The following LOXHD1 variants were observed in gnomAD, a reference collection of about 807,000 sequenced individuals.
LOXHD1 encodes lipoxygenase homology PLAT domains 1, also known as lipoxygenase homology domain-containing protein 1.
A neutral mutation model predicts 248.2 loss-of-function variants in LOXHD1; 205 were observed. The observed-to-expected ratio is 0.83, with a 90% CI of 0.74 to 0.93. The LOEUF (loss-of-function observed/expected upper bound fraction) is 0.93. Ranked by LOEUF, LOXHD1 falls within the 40% of genes least tolerant of loss-of-function variation. LOXHD1 has a pLI of 0.00. For synonymous variants in LOXHD1, 1,113 were observed against 1,162.8 expected (o/e 0.96, Z 0.87); for missense variants, 2,930 against 2,971.6 (o/e 0.99, Z 0.33).
chr18:46,575,311 C>T (rs893772731), intron 14 of LOXHD1, among the ~76,000 whole-genome samples: 4 of 152,178 alleles, frequency 2.6e-5, no homozygotes, highest in East Asian at 3.8e-4. Flanking sequence ...CAATAAGCCC[C>T]GTCTCACCAC....
At chr18:46,568,569 AG>A (rs2037688463) in intron 16 of LOXHD1, among the ~76,000 whole-genome samples, 1 of 152,200 alleles carries the variant, frequency 6.6e-6, no homozygotes, top group Non-Finnish European at 1.5e-5. Context: ...ACCTGAGGGT[AG>A]GGCTTCTGTC....
intron 4 of LOXHD1, among the ~76,000 whole-genome samples, chr18:46,630,188 G>T (rs1334120272): frequency 6.6e-6 from 1 of 152,204 alleles, no homozygotes. Flanking sequence ...GAGCTGTTGT[G>T]CTGGGTTCTG....
rs754761948 is a variant in LOXHD1, at chr18:46,600,314, T to A, written c.1134+903A>T. 1.9e-4 allele frequency among the ~76,000 whole-genome samples: 29 copies of A among 152,166 alleles called. 1 individual carries two copies. The highest frequency in any genetic ancestry group is 3.5e-4 in the Non-Finnish European group (24 of 68,020). On this transcript the variant is annotated intron_variant, in intron 8 of 40. Transcript: ENST00000642948. Reference sequence around the variant, plus strand: ...ATAATGTTGAGTGAAAATTGACAGTTATGGCCAGGAGCGATGGCTCACTCC... The same window carrying A: ...ATAATGTTGAGTGAAAATTGACAGTAATGGCCAGGAGCGATGGCTCACTCC...
chr18:46,507,254 G>C (rs926924325), intron 36 of LOXHD1, among the ~76,000 whole-genome samples: 1 of 152,336 alleles, frequency 6.6e-6, no homozygotes, highest in East Asian at 1.9e-4. Context: ...AGGAAGATGG[G>C]AAGGCTCTGC....
chr18:46,577,304 T>C (rs947702891), intron 14 of LOXHD1, among the ~76,000 whole-genome samples: 9 of 152,112 alleles, frequency 5.9e-5, no homozygotes, highest in Admixed American at 4.6e-4. Flanking sequence ...GAAAAGAAGT[T>C]AACAGGGAAG....
rs1398790803 is a variant in LOXHD1, at chr18:46,656,927, T to G, written c.107A>C (p.Glu36Ala). ...YASEDDEGEL[E>A]HEYYKARVYE... ...ACCTCTGGCCTTGTAGTACTCGTGT[T>G]CCAGCTCCCCCTCGTCGTCCTCCGA... Residue 36 changes from glutamate to alanine, a missense_variant, in exon 1 of 41, where the codon GAA (glutamate) becomes GCA (alanine). Coordinates refer to ENST00000642948, the MANE Select transcript of LOXHD1 (RefSeq NM_001384474.1). 1 of 1,551,478 alleles carries G rather than the reference T, an allele frequency of 6.4e-7. No individual in the cohort carries two copies.
In LOXHD1 at chr18:46,544,346, T is replaced by G. The variant is rs527360981; in HGVS notation, c.3619+971A>C. ...GAGGACTTAATGAGTTGATGACTGT[T>G]GGATGCTCAAGAATTTGTCTAACAC... On this transcript the variant is annotated intron_variant, in intron 23 of 40. Coordinates refer to ENST00000642948, the MANE Select transcript of LOXHD1 (RefSeq NM_001384474.1). Among the ~76,000 whole-genome samples, 5 of 152,344 alleles carry G rather than the reference T, an allele frequency of 3.3e-5. No homozygotes were observed. In the South Asian group the frequency reaches 1.0e-3, roughly 32 times the overall value.
At chr18:46,563,507 G>A (rs576321638) in intron 17 of LOXHD1, among the ~76,000 whole-genome samples, 15 of 152,248 alleles carry the variant, frequency 9.9e-5, no homozygotes, top group African/African-American at 3.6e-4. Context: ...GGAAGGAGGA[G>A]GAGTCACATA....
chr18:46,477,750 T>G lies in LOXHD1; in HGVS notation c.6544A>C (p.Asn2182His). 2 of 1,551,936 alleles carry G rather than the reference T, an allele frequency of 1.3e-6. No individual in the cohort carries two copies. Among genetic ancestry groups the G allele is most frequent in the Non-Finnish European group, 1.7e-6 (2 of 1,147,046 alleles). ...AGCTCCCGCTTGCCTGTGTCTCCGT[T>G]GGCCCCAAAGATGGTCACGAAGACG... ...ANVFVTIFGA[N>H]GDTGKRELKQ... Residue 2182 changes from asparagine (N) to histidine (H), a missense_variant, in exon 41 of 41, where the codon AAC becomes CAC. By Grantham distance (68) the Asn-to-His change is moderately conservative. Coordinates refer to ENST00000642948, the MANE Select transcript of LOXHD1 (RefSeq NM_001384474.1).
rs958022381 is a variant in LOXHD1 at position 46,657,111 on chromosome 18, C to G, written c.-78G>C. ...CACCTGCGGGAACCTGAGACCTCCTCCCTGAGCTCTGGCGCCCACGGCCCT... is the reference window on the plus strand; with the variant it reads ...CACCTGCGGGAACCTGAGACCTCCTGCCTGAGCTCTGGCGCCCACGGCCCT... On this transcript the variant is annotated 5_prime_UTR_variant, in exon 1 of 41. Transcript: ENST00000642948. The G allele has an allele frequency of 7.7e-6, 12 of 1,548,408 alleles. No individual in the cohort carries two copies. The highest frequency in any genetic ancestry group is 1.0e-5 in the Non-Finnish European group (12 of 1,145,652).
intron 14 of LOXHD1, among the ~76,000 whole-genome samples, chr18:46,575,767 C>T (rs2037841833): frequency 6.6e-6 from 1 of 152,146 alleles, no homozygotes; most frequent in Admixed American, 6.5e-5. Context: ...CCAGTCTGTG[C>T]ACTTTGTTAC....
At chr18:46,616,990 T>TA (rs1216450332) in intron 5 of LOXHD1, among the ~76,000 whole-genome samples, 4 of 152,244 alleles carry the variant, frequency 2.6e-5, no homozygotes, top group Non-Finnish European at 5.9e-5. Flanking sequence ...TTATGATGAA[T>TA]TATATATTTG....
At chr18:46,523,978 A>G (rs563839939) in intron 31 of LOXHD1, among the ~76,000 whole-genome samples, 1 of 152,326 alleles carries the variant, frequency 6.6e-6, no homozygotes, top group Non-Finnish European at 1.5e-5. Context: ...CTTATCTCAA[A>G]AATCTGGTTA....
chr18:46,547,771 G>A (rs1478170100), intron 21 of LOXHD1, among the ~76,000 whole-genome samples: 1 of 152,134 alleles, frequency 6.6e-6, no homozygotes, highest in Non-Finnish European at 1.5e-5. Context: ...ATCTCTCTGT[G>A]CTAGGGTTGC....
intron 2 of LOXHD1, among the ~76,000 whole-genome samples, chr18:46,645,300 C>T (rs1436083710): frequency 6.6e-6 from 1 of 152,184 alleles, no homozygotes; most frequent in African/African-American, 2.4e-5. Flanking sequence ...GGCCACTGGT[C>T]GATTCTCACA....
At chr18:46,648,946 G>T (rs190714721) in intron 2 of LOXHD1, among the ~76,000 whole-genome samples, 1 of 152,202 alleles carries the variant, frequency 6.6e-6, no homozygotes, top group African/African-American at 2.4e-5. Flanking sequence ...AGGCATTACC[G>T]TCCAAAAGAA....
rs1020055532 is a variant in LOXHD1 at position 46,601,545 on chromosome 18, G to A, written c.884-78C>T. On this transcript the variant is annotated intron_variant, in intron 7 of 40. Coordinates refer to ENST00000642948, the MANE Select transcript of LOXHD1 (RefSeq NM_001384474.1). ...ATCCCACCCCCTCCTCCCCTTCCTG[G>A]TTACAACACCCCCAAAGCCCTCCTC... 1.8e-5 allele frequency: 28 copies of A among 1,542,260 alleles called. No homozygotes were observed. The Admixed American group carries it at 4.7e-4, about 26-fold the overall frequency.
intron 4 of LOXHD1, among the ~76,000 whole-genome samples, chr18:46,621,673 CAT>C (rs1014321588): frequency 4.6e-4 from 70 of 152,144 alleles, no homozygotes; most frequent in African/African-American, 1.6e-3. Context: ...AAAACGCCCA[CAT>C]ATGAGATAGG....
intron 17 of LOXHD1, among the ~76,000 whole-genome samples, chr18:46,563,959 AAAC>A (rs1184089641): frequency 6.6e-6 from 1 of 152,320 alleles, no homozygotes; most frequent in East Asian, 1.9e-4. Flanking sequence ...ACTCCAGAAA[AAAC>A]AAGCTCTACA....
Sources: gnomAD v4.1 joint callset for allele counts (sites outside exome capture counted in the v4.1 genomes callset) on GRCh38, gnomAD v4.1.1 for gene constraint, MANE v1.5 for transcripts, NCBI Gene and HGNC (gene_info 2026-07-23, HGNC 2026-07-21) for gene names.